The following ARHGAP5 variants were observed in gnomAD, a reference collection of about 807,000 sequenced individuals.
ARHGAP5 encodes rho GTPase-activating protein 5.
ARHGAP5 carries 23 observed loss-of-function variants against 116.6 expected under a neutral mutation model. The observed-to-expected ratio is 0.20, with a 90% confidence interval of 0.14 to 0.28. ARHGAP5 has a LOEUF of 0.28. ARHGAP5 is among the 10% of genes least tolerant of loss of function. The probability of loss-of-function intolerance (pLI) is 1.00; values close to 1 mark genes in which losing one functional copy is unlikely to be tolerated. For synonymous variants in ARHGAP5, 574 were observed against 602.0 expected (o/e 0.95, Z 0.68); for missense variants, 1,405 against 1,774.8 (o/e 0.79, Z 3.74).
At chr14:32,146,568 T>G (rs141895512) in intron 4 of ARHGAP5, among the ~76,000 whole-genome samples, 4 of 152,314 alleles carry the variant, frequency 2.6e-5, no homozygotes, top group African/African-American at 9.6e-5. Context: ...AGTCACTGAT[T>G]ACTTTTAGAG....
chr14:32,102,062 A>G (rs1878818326), intron 2 of ARHGAP5, among the ~76,000 whole-genome samples: 1 of 152,164 alleles, frequency 6.6e-6, no homozygotes, highest in African/African-American at 2.4e-5. Flanking sequence ...ATGAGCAAAG[A>G]TTCTTTATTC....
At chr14:32,127,381 C>G (rs909601445) in intron 3 of ARHGAP5, among the ~76,000 whole-genome samples, 1 of 152,136 alleles carries the variant, frequency 6.6e-6, no homozygotes, top group African/African-American at 2.4e-5. Flanking sequence ...TGACTCTTAA[C>G]AAGCATGCTG....
intron 3 of ARHGAP5, among the ~76,000 whole-genome samples, chr14:32,128,123 T>G (rs1880280425): frequency 7.3e-6 from 1 of 137,356 alleles, no homozygotes; most frequent in Non-Finnish European, 1.5e-5. Flanking sequence ...TCCCAGATGA[T>G]GGGCGGCCAG....
chr14:32,148,326 T>C (rs1482765827), intron 4 of ARHGAP5, among the ~76,000 whole-genome samples: 2 of 152,210 alleles, frequency 1.3e-5, no homozygotes, highest in African/African-American at 4.8e-5. Context: ...CTCTTGAGTT[T>C]GACTTTCTTG....
chr14:32,155,262 A>G lies in ARHGAP5; in HGVS notation c.*314A>G. On this transcript the variant is annotated 3_prime_UTR_variant, in exon 7 of 7. Coordinates refer to ENST00000345122, the MANE Select transcript of ARHGAP5 (RefSeq NM_001030055.2). Reference sequence around the variant, plus strand: ...TCTGTCACCTTATATTGTGAATAAAATTTTTCTATAGAAATTAAATGATTT... The same window carrying G: ...TCTGTCACCTTATATTGTGAATAAAGTTTTTCTATAGAAATTAAATGATTT... 1 of 192,078 alleles carries G rather than the reference A, an allele frequency of 5.2e-6. No homozygotes were observed. Among genetic ancestry groups the G allele is most frequent in the Non-Finnish European group, 1.1e-5 (1 of 93,656 alleles). The allele number at this position is 192,078 out of a possible 1,614,324, so 11.9% of individuals were successfully genotyped here.
At chr14:32,153,407 A>C (rs1191824236) in intron 6 of ARHGAP5, among the ~76,000 whole-genome samples, 1 of 21,902 alleles carries the variant, frequency 4.6e-5, no homozygotes, top group Non-Finnish European at 7.5e-5. Flanking sequence ...ACTCTGTCTC[A>C]AAAAAAAAAA....
intron 1 of ARHGAP5, among the ~76,000 whole-genome samples, chr14:32,080,104 C>T (rs2138992212): frequency 6.6e-6 from 1 of 151,884 alleles, no homozygotes; most frequent in Non-Finnish European, 1.5e-5. Context: ...TAGGAAAAAC[C>T]ATATTAGAAA....
intron 3 of ARHGAP5, among the ~76,000 whole-genome samples, chr14:32,125,507 A>G (rs192312957): frequency 7.2e-5 from 11 of 152,338 alleles, no homozygotes; most frequent in Admixed American, 5.9e-4. Context: ...GGAGTAGAAT[A>G]CTGGATCATA....
chr14:32,130,492 G>C (rs2139100936), intron 3 of ARHGAP5, among the ~76,000 whole-genome samples: 1 of 151,688 alleles, frequency 6.6e-6, no homozygotes, highest in South Asian at 2.1e-4. Flanking sequence ...AAGGTGCTGG[G>C]ATTACAGGTG....
At chr14:32,145,555 G>A (rs1881334133) in intron 3 of ARHGAP5, among the ~76,000 whole-genome samples, 2 of 151,996 alleles carry the variant, frequency 1.3e-5, no homozygotes, top group Non-Finnish European at 2.9e-5. Flanking sequence ...CCTCTCCAAC[G>A]CCCAGTCATG....
intron 1 of ARHGAP5, chr14:32,078,425 T>C (rs1348514795): frequency 6.6e-6 from 1 of 152,224 alleles, no homozygotes; most frequent in African/African-American, 2.4e-5. Context: ...TTCAAATATT[T>C]TGAGATAGAG....
At chr14:32,087,590 C>T (rs2041842866) in intron 1 of ARHGAP5, among the ~76,000 whole-genome samples, 1 of 149,026 alleles carries the variant, frequency 6.7e-6, no homozygotes, top group Admixed American at 6.8e-5. Context: ...TCTTCCAACA[C>T]CCTTCCCACA....
At chr14:32,097,570 CAA>C (rs1878588172) in intron 2 of ARHGAP5, among the ~76,000 whole-genome samples, 1 of 151,934 alleles carries the variant, frequency 6.6e-6, no homozygotes, top group Non-Finnish European at 1.5e-5. Flanking sequence ...AAAAAGAAGG[CAA>C]ATAAAACATC....
chr14:32,150,256 G>T (rs1881581220), intron 5 of ARHGAP5, among the ~76,000 whole-genome samples: 1 of 152,136 alleles, frequency 6.6e-6, no homozygotes, highest in Admixed American at 6.5e-5. Flanking sequence ...TGACTTAAAT[G>T]CTCCTAGAAA....
intron 2 of ARHGAP5, among the ~76,000 whole-genome samples, chr14:32,107,976 A>G (rs574485365): frequency 2.0e-5 from 3 of 152,302 alleles, no homozygotes; most frequent in Admixed American, 6.5e-5. Context: ...GGAAATCCTT[A>G]GTGGGAAAAG....
intron 2 of ARHGAP5, among the ~76,000 whole-genome samples, chr14:32,103,366 T>G (rs1357367679): frequency 6.6e-6 from 1 of 152,214 alleles, no homozygotes; most frequent in East Asian, 1.9e-4. Flanking sequence ...TTTATATATT[T>G]TGTTAAGACT....
rs560189690 is a variant in ARHGAP5 at position 32,136,430 on chromosome 14, A to G, written c.3866-9833A>G. 3.3e-5 allele frequency among the ~76,000 whole-genome samples: 5 copies of G among 152,350 alleles called. No homozygotes were observed. The East Asian group carries it at 9.6e-4, about 29-fold the overall frequency. ...TATTATTTAGACTTATCCTCATTAT[A>G]GCATGTATCAGTACATTATTTCTTT... is the stretch of plus-strand genomic sequence containing the variant. On this transcript the variant is annotated intron_variant, in intron 3 of 6. Coordinates refer to ENST00000345122, the MANE Select transcript of ARHGAP5 (RefSeq NM_001030055.2).
At chr14:32,135,193 A>G (rs1205155413) in intron 3 of ARHGAP5, among the ~76,000 whole-genome samples, 1 of 152,184 alleles carries the variant, frequency 6.6e-6, no homozygotes, top group Non-Finnish European at 1.5e-5. Context: ...AAAAATACCA[A>G]ACTTTCATTG....
At chr14:32,097,739 T>C (rs1273993230) in intron 2 of ARHGAP5, among the ~76,000 whole-genome samples, 2 of 152,190 alleles carry the variant, frequency 1.3e-5, no homozygotes, top group East Asian at 3.8e-4. Context: ...ACTAAAGTAG[T>C]ATTTATCTAC....
Sources: allele counts gnomAD v4.1 joint callset (sites outside exome capture counted in the v4.1 genomes callset), GRCh38; gene constraint gnomAD v4.1.1; transcripts MANE v1.5; gene names NCBI Gene and HGNC (gene_info 2026-07-23, HGNC 2026-07-21).